RSRP1: variants seen among roughly 807,000 people sequenced by gnomAD.
RSRP1 encodes arginine and serine rich protein 1.
Under a neutral mutation model 33.0 loss-of-function variants are expected in RSRP1, and 37 were observed. The ratio of observed to expected loss-of-function variants is 1.12; its 90% confidence interval spans 0.86 to 1.48. The LOEUF (loss-of-function observed/expected upper bound fraction) is 1.48, where lower values mean the gene tolerates loss of function less well. Among genes scored for constraint, RSRP1 ranks in the 40% most tolerant of loss-of-function variants. The pLI is 0.00. For synonymous variants in RSRP1, 167 were observed against 158.7 expected (o/e 1.05, Z -0.40); for missense variants, 402 against 385.3 (o/e 1.04, Z -0.36).
chr1:25,331,169 T>G lies in RSRP1; in HGVS notation c.-67+6809A>C, dbSNP rs566594843. Among the ~76,000 whole-genome samples the G allele has an allele frequency of 4.7e-5, 6 of 127,664 alleles. 1 individual carries two copies. Among genetic ancestry groups the G allele is most frequent in the Non-Finnish European group, 7.4e-5 (4 of 54,230 alleles). 83.8% of individuals were successfully genotyped at this position (127,664 alleles called of 152,430 possible). On this transcript the variant is annotated intron_variant, in intron 1 of 1. Transcript: ENST00000561867. Reference sequence around the variant, plus strand: ...TTTTAGTAGAGACAGGGTTTCACCATATTGGCCAGGCTGGTCTCGAACTCC... The same window carrying G: ...TTTTAGTAGAGACAGGGTTTCACCAGATTGGCCAGGCTGGTCTCGAACTCC...
In RSRP1 at chr1:25,263,763, CCA is replaced by C. The variant is rs577790381; in HGVS notation, c.-66-16736_-66-16735del. Reference sequence around the variant, plus strand: ...ATGATTTCAGCATTAACTCAAAAGTCCACAGTCTAATGTCTCATCTGAGACAA... The same window carrying C: ...ATGATTTCAGCATTAACTCAAAAGTCCAGTCTAATGTCTCATCTGAGACAA... On this transcript the variant is annotated intron_variant, in intron 1 of 1. Coordinates refer to the RSRP1 transcript ENST00000561867. 4.3e-4 allele frequency among the ~76,000 whole-genome samples: 65 copies of C among 152,118 alleles called. 1 individual carries two copies. The South Asian group carries it at 0.013, about 30-fold the overall frequency.
At chr1:25,242,808 T>C in intron 4 of RSRP1, 103 bp from the exon 5 acceptor site, 1 of 830,916 alleles carries the variant, frequency 1.2e-6, no homozygotes, top group East Asian at 2.5e-5. Context: ...TTAGAGATAT[T>C]ATCAATTGCT....
intron 1 of RSRP1, among the ~76,000 whole-genome samples, chr1:25,308,876 G>C (rs1468235807): frequency 1.5e-5 from 2 of 131,254 alleles, no homozygotes; most frequent in African/African-American, 5.3e-5. Context: ...CCTTAGTCCT[G>C]GTACTGAAAC....
rs1224780986 is a variant in RSRP1, at chr1:25,302,131, C to T, written c.-67+35847G>A. On this transcript the variant is annotated intron_variant, in intron 1 of 1. Coordinates refer to the RSRP1 transcript ENST00000561867. ...TGTGGCTCTGGTCAAGCCACTTCAA[C>T]GTTTTGAGTCTCAGTGGCCTCATCT... Among the ~76,000 whole-genome samples the T allele has an allele frequency of 3.1e-5, 4 of 131,080 alleles. 2 individuals are homozygous for T. The highest frequency in any genetic ancestry group is 5.3e-5 in the African/African-American group (2 of 37,962). The allele number at this position is 131,080 out of a possible 152,430, so 86.0% of individuals were successfully genotyped here.
intron 1 of RSRP1, among the ~76,000 whole-genome samples, chr1:25,316,025 AG>A (rs1349809243): frequency 7.6e-6 from 1 of 131,268 alleles, no homozygotes; most frequent in African/African-American, 2.6e-5. Flanking sequence ...TGTTGAGACA[AG>A]AAACAGGAAA....
At position 25,247,037 on chromosome 1, in the gene RSRP1, A is replaced by T. The variant is rs375084543; in HGVS notation, c.-66-8T>A. 1.4e-5 allele frequency: 19 copies of T among 1,382,646 alleles called. No homozygotes were observed. In the African/African-American group the frequency reaches 2.2e-4, roughly 16 times the overall value. The allele number at this position is 1,382,646 out of a possible 1,614,324, so 85.6% of individuals were successfully genotyped here. ...GCCTCAACTCAGGACTTCCTAAAAA[A>T]CCAAGAGAGAAAAAACAAGTCGAGT... On this transcript the variant is annotated splice_region_variant and splice_polypyrimidine_tract_variant and intron_variant, in intron 1 of 4. Transcript: ENST00000243189.
chr1:25,243,826 T>A, intron 3 of RSRP1, 193 bp from the exon 4 acceptor site: 3 of 1,302,392 alleles, frequency 2.3e-6, no homozygotes, highest in South Asian at 4.0e-5. Flanking sequence ...CTTAAGACAC[T>A]CTTCCCATAA....
chr1:25,246,304 T>C, intron 2 of RSRP1, 140 bp downstream of exon 2: 1 of 1,325,364 alleles, frequency 7.5e-7, no homozygotes, highest in Non-Finnish European at 1.0e-6. Context: ...ATACAGGTAA[T>C]GTCCTCCCTC....
intron 1 of RSRP1, among the ~76,000 whole-genome samples, chr1:25,314,613 C>A (rs1217420026): frequency 7.5e-6 from 1 of 132,782 alleles, no homozygotes; most frequent in African/African-American, 2.6e-5. Context: ...CATACTTCAT[C>A]CTCCTGAGTA....
chr1:25,292,493 G>A (rs1229389227), intron 1 of RSRP1, among the ~76,000 whole-genome samples: 1 of 132,000 alleles, frequency 7.6e-6, no homozygotes, highest in African/African-American at 2.6e-5. Flanking sequence ...CTGCACGTGG[G>A]GTGGGAGAGG....
chr1:25,293,891 A>G lies in RSRP1; in HGVS notation c.-67+44087T>C, dbSNP rs111359055. ...GAAATTAAAAGGCAAAAGCTGATAT[A>G]TCATGTTTAGTTATATTGTGAGTCT... On this transcript the variant is annotated intron_variant, in intron 1 of 1. Coordinates refer to the RSRP1 transcript ENST00000561867. 9.0e-3 allele frequency among the ~76,000 whole-genome samples: 1,190 copies of G among 132,206 alleles called. 150 individuals are homozygous for G. The highest frequency in any genetic ancestry group is 0.029 in the African/African-American group (1,134 of 38,446). The allele number at this position is 132,206 out of a possible 152,430, so 86.7% of individuals were successfully genotyped here.
intron 1 of RSRP1, among the ~76,000 whole-genome samples, chr1:25,286,857 G>A (rs1330192860): frequency 7.4e-6 from 1 of 134,364 alleles, no homozygotes; most frequent in Non-Finnish European, 1.8e-5. Context: ...ACTTTAGGAG[G>A]CCTAGCAGGT....
At chr1:25,260,130 C>T (rs560768384) in intron 1 of RSRP1, among the ~76,000 whole-genome samples, 69 of 152,270 alleles carry the variant, frequency 4.5e-4, no homozygotes, top group African/African-American at 1.6e-3. Flanking sequence ...AACTCCATTG[C>T]TTAAGAAACA....
rs1338241570 is a variant in RSRP1 at position 25,332,538 on chromosome 1, A to G, written c.-67+5440T>C. ...ATTAAAAAAAAATGGCTACTTTCAA[A>G]GACATCTTGGAGTTCAGGAGTCCCA... On this transcript the variant is annotated intron_variant, in intron 1 of 1. Transcript: ENST00000561867. 1.5e-5 allele frequency among the ~76,000 whole-genome samples: 2 copies of G among 132,018 alleles called. 1 individual carries two copies. The highest frequency in any genetic ancestry group is 3.6e-5 in the Non-Finnish European group (2 of 55,914). 86.6% of individuals were successfully genotyped at this position (132,018 alleles called of 152,430 possible).
At chr1:25,247,222 A>T in intron 1 of RSRP1, 87 bp downstream of exon 1, 1 of 439,354 alleles carries the variant, frequency 2.3e-6, no homozygotes, top group Non-Finnish European at 4.0e-6. Flanking sequence ...TGCGTTCCCC[A>T]AACGCGGGGC....
chr1:25,314,137 C>T (rs1405848898), intron 1 of RSRP1, among the ~76,000 whole-genome samples: 1 of 132,970 alleles, frequency 7.5e-6, no homozygotes, highest in African/African-American at 2.6e-5. Flanking sequence ...AGTATTCACA[C>T]AGTCAGCTTT....
Position 25,247,019 on chromosome 1 carries a change from C to T in RSRP1, c.-56G>A, listed in dbSNP as rs1160335704. 2 of 1,450,900 alleles carry T rather than the reference C, an allele frequency of 1.4e-6. No individual in the cohort carries two copies. Among genetic ancestry groups the T allele is most frequent in the East Asian group, 4.7e-5 (2 of 42,938 alleles). 89.9% of individuals were successfully genotyped at this position (1,450,900 alleles called of 1,614,324 possible). On this transcript the variant is annotated 5_prime_UTR_variant, in exon 2 of 5. Transcript: ENST00000243189. ...CCGGAAAGGATCCCGCAAGCCTCAACTCAGGACTTCCTAAAAAACCAAGAG... is the reference window on the plus strand; with the variant it reads ...CCGGAAAGGATCCCGCAAGCCTCAATTCAGGACTTCCTAAAAAACCAAGAG...
chr1:25,250,474 T>G (rs890643027), upstream of RSRP1, among the ~76,000 whole-genome samples: 6 of 152,166 alleles, frequency 3.9e-5, no homozygotes, highest in African/African-American at 1.4e-4. Context: ...GCCATTTAAG[T>G]TGGTTTTTTG....
chr1:25,261,765 G>A (rs1640164248), intron 1 of RSRP1, among the ~76,000 whole-genome samples: 1 of 143,434 alleles, frequency 7.0e-6, no homozygotes, highest in Admixed American at 7.2e-5. Context: ...AGCCTGGAGT[G>A]CAGTGTTATG....
Sources: gnomAD v4.1 joint callset for allele counts (sites outside exome capture counted in the v4.1 genomes callset) on GRCh38, gnomAD v4.1.1 for gene constraint, MANE v1.5 for transcripts, NCBI Gene and HGNC (gene_info 2026-07-23, HGNC 2026-07-21) for gene names.